LPP: variants seen among roughly 807,000 people sequenced by gnomAD.
The protein encoded by LPP is lipoma-preferred partner.
In LPP, 38 loss-of-function variants were observed where a neutral mutation model predicts 60.4. The observed-to-expected ratio is 0.63, with a 90% CI of 0.49 to 0.83. The LOEUF (loss-of-function observed/expected upper bound fraction) is 0.83, where lower values mean the gene tolerates loss of function less well. LPP is among the 40% of genes least tolerant of loss of function. LPP has a pLI of 0.00. For missense variants in LPP, 902 were observed against 783.6 expected (o/e 1.15, Z -1.80); for synonymous variants, 328 against 290.8 (o/e 1.13, Z -1.30).
intron 3 of LPP, among the ~76,000 whole-genome samples, chr3:188,351,382 A>T (rs1340569924): frequency 6.6e-6 from 1 of 152,204 alleles, no homozygotes; most frequent in African/African-American, 2.4e-5. Flanking sequence ...CAGTTCTGCA[A>T]ATCGTGCCCA....
intron 7 of LPP, among the ~76,000 whole-genome samples, chr3:188,681,122 G>A (rs137976117): frequency 4.0e-4 from 60 of 151,376 alleles, no homozygotes; most frequent in African/African-American, 1.3e-3. Context: ...TCAGCCTCTC[G>A]AGTAGCTGGG....
chr3:188,438,712 C>T (rs1792997061), intron 4 of LPP, among the ~76,000 whole-genome samples: 1 of 152,146 alleles, frequency 6.6e-6, no homozygotes, highest in Non-Finnish European at 1.5e-5. Flanking sequence ...TAGAACAGAA[C>T]TAATCTCTTA....
In LPP at chr3:188,882,141, G is replaced by C; in HGVS notation, c.*7662G>C. ...CACTTAAATCTGTACTTACTCAATA[G>C]GAAGGAATGTGACATCAGGAAGAGT... On this transcript the variant is annotated 3_prime_UTR_variant, in exon 12 of 12. Coordinates refer to ENST00000617246, the MANE Select transcript of LPP (RefSeq NM_001375462.1). 1 of 212,084 alleles carries C rather than the reference G, an allele frequency of 4.7e-6. No individual in the cohort carries two copies. The highest frequency in any genetic ancestry group is 5.9e-5 in the Admixed American group (1 of 17,060). The allele number at this position is 212,084 out of a possible 1,614,324, so 13.1% of individuals were successfully genotyped here.
chr3:188,231,319 G>A (rs1295622323), intron 2 of LPP, among the ~76,000 whole-genome samples: 4 of 152,204 alleles, frequency 2.6e-5, no homozygotes, highest in African/African-American at 9.6e-5. Context: ...TAAGGTGGAA[G>A]TGGACGTTGC....
intron 4 of LPP, among the ~76,000 whole-genome samples, chr3:188,450,470 T>G (rs1412387803): frequency 2.0e-5 from 3 of 151,968 alleles, no homozygotes; most frequent in Non-Finnish European, 4.4e-5. Flanking sequence ...ACAGGCCTGG[T>G]GCGGTGGCTC....
intron 5 of LPP, among the ~76,000 whole-genome samples, chr3:188,509,667 TTCCTTCCTTCCTTCCTTC>T (rs1217368525): frequency 0.014 from 629 of 44,764 alleles, 21 homozygotes; most frequent in African/African-American, 0.018. Flanking sequence ...CCTTCCTTCC[TTCCTTCCTTCCTTCCTTC>T]CTCTCTCTCT....
At chr3:188,447,484 C>G (rs952258515) in intron 4 of LPP, among the ~76,000 whole-genome samples, 1 of 151,974 alleles carries the variant, frequency 6.6e-6, no homozygotes, top group Non-Finnish European at 1.5e-5. Flanking sequence ...GTGGCAGGTG[C>G]CTGTAATCCC....
chr3:188,322,244 G>A (rs1412312384), intron 2 of LPP, among the ~76,000 whole-genome samples: 7 of 152,190 alleles, frequency 4.6e-5, no homozygotes, highest in Admixed American at 4.6e-4. Flanking sequence ...TCACTGGGTG[G>A]TTTTATTTTA....
At chr3:188,769,998 TCAGGCTA>T (rs1431711077) in intron 9 of LPP, among the ~76,000 whole-genome samples, 1 of 152,138 alleles carries the variant, frequency 6.6e-6, no homozygotes, top group South Asian at 2.1e-4. Context: ...AATGTCAGCA[TCAGGCTA>T]CTGTAATAAT....
intron 3 of LPP, among the ~76,000 whole-genome samples, chr3:188,356,220 A>G (rs1767569313): frequency 6.6e-6 from 1 of 152,156 alleles, no homozygotes; most frequent in Non-Finnish European, 1.5e-5. Context: ...TTTTCCTACT[A>G]AAAGGGCAGA....
At chr3:188,440,401 T>C (rs1352320213) in intron 4 of LPP, among the ~76,000 whole-genome samples, 1 of 152,246 alleles carries the variant, frequency 6.6e-6, no homozygotes, top group Non-Finnish European at 1.5e-5. Context: ...CTGAATGTTA[T>C]CATTAATAAA....
intron 2 of LPP, among the ~76,000 whole-genome samples, chr3:188,280,969 G>A (rs544752376): frequency 3.4e-5 from 5 of 146,044 alleles, no homozygotes; most frequent in South Asian, 4.3e-4. Context: ...GAATCTTGCT[G>A]TGTTGCCCAG....
At chr3:188,662,097 TA>T (rs1426676098) in intron 7 of LPP, among the ~76,000 whole-genome samples, 1 of 152,196 alleles carries the variant, frequency 6.6e-6, no homozygotes, top group African/African-American at 2.4e-5. Context: ...TGTGAAACAA[TA>T]AAAATATTTT....
At chr3:188,793,452 G>T (rs1004760387) in intron 9 of LPP, among the ~76,000 whole-genome samples, 2 of 152,030 alleles carry the variant, frequency 1.3e-5, no homozygotes, top group Non-Finnish European at 2.9e-5. Flanking sequence ...AAACTGCTGG[G>T]ATTACAAGCA....
At chr3:188,660,599 A>G (rs1447922563) in intron 7 of LPP, among the ~76,000 whole-genome samples, 1 of 152,100 alleles carries the variant, frequency 6.6e-6, no homozygotes, top group Non-Finnish European at 1.5e-5. Context: ...AGTAAGCATC[A>G]TATGACTTCT....
At chr3:188,250,762 CTT>C (rs1222594760) in intron 2 of LPP, among the ~76,000 whole-genome samples, 46 of 116,996 alleles carry the variant, frequency 3.9e-4, no homozygotes, top group African/African-American at 1.8e-3. Context: ...TTCTTTCTTT[CTT>C]TCTTTCTTTC....
intron 2 of LPP, among the ~76,000 whole-genome samples, chr3:188,240,348 T>A (rs1723763090): frequency 7.1e-6 from 1 of 140,652 alleles, no homozygotes; most frequent in African/African-American, 3.1e-5. Context: ...TAAGAGTGTG[T>A]GTGTGTGTGT....
At chr3:188,639,631 A>G (rs1469691554) in intron 7 of LPP, among the ~76,000 whole-genome samples, 2 of 149,386 alleles carry the variant, frequency 1.3e-5, no homozygotes, top group Admixed American at 6.7e-5. Flanking sequence ...ACAAAGGGCT[A>G]ATATCCAGAA....
rs185099198 is a variant in LPP, at chr3:188,241,943, C to T, written c.-67+16416C>T. On this transcript the variant is annotated intron_variant, in intron 2 of 11. Transcript: ENST00000617246. ...GGTCTTTATTCCAGTGACCTCTGCT[C>T]ATTGGAAAACTTTGGGCTGGTAGAT... 7.2e-5 allele frequency among the ~76,000 whole-genome samples: 11 copies of T among 152,242 alleles called. No homozygotes were observed. The East Asian group carries it at 1.9e-3, about 27-fold the overall frequency.
Sources: gnomAD v4.1 joint callset for allele counts (sites outside exome capture counted in the v4.1 genomes callset) on GRCh38, gnomAD v4.1.1 for gene constraint, MANE v1.5 for transcripts, NCBI Gene and HGNC (gene_info 2026-07-23, HGNC 2026-07-21) for gene names.